The following TCF12 variants were observed in gnomAD, a reference collection of about 807,000 sequenced individuals.
TCF12 encodes the protein transcription factor 12.
Under a neutral mutation model 86.0 loss-of-function variants are expected in TCF12, and 45 were observed. That is an observed-to-expected ratio of 0.52 (90% CI 0.41 to 0.67). The LOEUF (loss-of-function observed/expected upper bound fraction) is 0.67, where lower values mean the gene tolerates loss of function less well. Among genes scored for constraint, TCF12 ranks in the 30% least tolerant of loss-of-function variants. The probability of loss-of-function intolerance (pLI) is 0.00; values close to 1 mark genes in which losing one functional copy is unlikely to be tolerated. For missense variants in TCF12, 881 were observed against 859.9 expected, an observed-to-expected ratio of 1.02 and a Z score of -0.31; for synonymous variants, 330 against 299.6, an observed-to-expected ratio of 1.10 and a Z score of -1.05.
At chr15:56,949,214 A>C (rs1410148373) in intron 3 of TCF12, among the ~76,000 whole-genome samples, 1 of 152,204 alleles carries the variant, frequency 6.6e-6, no homozygotes, top group African/African-American at 2.4e-5. Flanking sequence ...AATTAAGCAC[A>C]ATTTGTATAT....
At chr15:57,266,094 T>C in intron 18 of TCF12, among the ~76,000 whole-genome samples, 1 of 89,682 alleles carries the variant, frequency 1.1e-5, no homozygotes, top group Non-Finnish European at 2.7e-5. Flanking sequence ...TTATTATTTA[T>C]TTATTTATTT....
intron 5 of TCF12, among the ~76,000 whole-genome samples, chr15:57,119,377 T>A (rs1232570077): frequency 1.3e-5 from 2 of 151,106 alleles, no homozygotes; most frequent in Non-Finnish European, 2.9e-5. Flanking sequence ...AGTCTCAAAC[T>A]CCTGATGTGA....
chr15:57,030,202 C>G (rs144113755), intron 3 of TCF12, among the ~76,000 whole-genome samples: 11 of 152,276 alleles, frequency 7.2e-5, no homozygotes, highest in African/African-American at 2.4e-4. Flanking sequence ...TGCTCTGTCA[C>G]TGAGGCAGGA....
chr15:57,259,606 A>G (rs2060494993), intron 16 of TCF12, among the ~76,000 whole-genome samples: 2 of 152,174 alleles, frequency 1.3e-5, no homozygotes, highest in African/African-American at 4.8e-5. Flanking sequence ...GGATGGTGTC[A>G]TTTAATGGCA....
chr15:57,267,411 C>T (rs1046322102), intron 18 of TCF12, among the ~76,000 whole-genome samples: 5 of 152,138 alleles, frequency 3.3e-5, no homozygotes, highest in Non-Finnish European at 5.9e-5. Context: ...ATTCAGAGAC[C>T]ACTCTTTGGA....
intron 5 of TCF12, among the ~76,000 whole-genome samples, chr15:57,136,992 T>TGAGACGGAG (rs2052589583): frequency 9.1e-6 from 1 of 110,072 alleles, no homozygotes; most frequent in Non-Finnish European, 1.8e-5. Context: ...TTTTTTTTTT[T>TGAGACGGAG]TTTTTGAGAC....
Position 57,253,373 on chromosome 15 carries a change from A to G in TCF12, c.1372A>G (p.Ser458Gly). 1.2e-6 allele frequency: 2 copies of G among 1,614,120 alleles called. No homozygotes were observed. The highest frequency in any genetic ancestry group is 2.2e-5 in the East Asian group (1 of 44,870). Reference sequence around the variant, plus strand: ...GCCTGCTGGTCACAGTGATATACATAGTTTATTGGGACCATCCCATAATGC... The same window carrying G: ...GCCTGCTGGTCACAGTGATATACATGGTTTATTGGGACCATCCCATAATGC... Reference protein sequence around the residue: ...SLPAGHSDIHSLLGPSHNAPI... With the variant: ...SLPAGHSDIHGLLGPSHNAPI... Residue 458 changes from serine (S) to glycine (G), a missense_variant, in exon 16 of 21, where the codon AGT becomes GGT. Transcript: ENST00000333725.
At chr15:57,219,791 T>C in intron 8 of TCF12, among the ~76,000 whole-genome samples, 1 of 149,602 alleles carries the variant, frequency 6.7e-6, no homozygotes. Flanking sequence ...AGTGGCTCGA[T>C]CTCGGCTCAC....
Position 57,254,731 on chromosome 15 carries a change from G to A in TCF12, c.1467+1263G>A, listed in dbSNP as rs193041408. On this transcript the variant is annotated intron_variant, in intron 16 of 20. Coordinates refer to ENST00000333725, the MANE Select transcript of TCF12 (RefSeq NM_207037.2). ...AAATTAGTCTGGCACAGTGGCATGC[G>A]CCTGTGGTCCCAGCTACATGGAAGG... Among the ~76,000 whole-genome samples, 25 of 151,790 alleles carry A rather than the reference G, an allele frequency of 1.6e-4. No homozygotes were observed. The East Asian group carries it at 4.3e-3, about 26-fold the overall frequency.
chr15:57,073,186 A>G (rs2069567827), intron 4 of TCF12, among the ~76,000 whole-genome samples: 1 of 152,184 alleles, frequency 6.6e-6, no homozygotes, highest in Admixed American at 6.5e-5. Context: ...AGGCCCATGA[A>G]ATAACATCTT....
chr15:56,964,362 CTG>C (rs1456970866), intron 3 of TCF12, among the ~76,000 whole-genome samples: 5 of 152,196 alleles, frequency 3.3e-5, no homozygotes, highest in African/African-American at 1.2e-4. Flanking sequence ...TTCCCAGACT[CTG>C]TGATCTGCCT....
chr15:57,183,700 T>C (rs1319784144), intron 6 of TCF12, among the ~76,000 whole-genome samples: 1 of 152,162 alleles, frequency 6.6e-6, no homozygotes, highest in Non-Finnish European at 1.5e-5. Flanking sequence ...GAAACTGAGT[T>C]TTTTGTATTA....
Position 57,103,509 on chromosome 15 carries a change from A to G in TCF12, c.325+11618A>G, listed in dbSNP as rs150757334. Among the ~76,000 whole-genome samples the G allele has an allele frequency of 3.0e-4, 46 of 152,340 alleles. No homozygotes were observed. The East Asian group carries it at 6.4e-3, about 21-fold the overall frequency. On this transcript the variant is annotated intron_variant, in intron 5 of 20. Coordinates refer to ENST00000333725, the MANE Select transcript of TCF12 (RefSeq NM_207037.2). Reference sequence around the variant, plus strand: ...TTTGGAAAAGTTAAACGCAAATTGTATAAAGAAAACAGTCCCAAACGCACT... The same window carrying G: ...TTTGGAAAAGTTAAACGCAAATTGTGTAAAGAAAACAGTCCCAAACGCACT...
intron 3 of TCF12, among the ~76,000 whole-genome samples, chr15:57,008,123 G>A (rs1163644737): frequency 1.3e-5 from 2 of 150,752 alleles, no homozygotes; most frequent in Non-Finnish European, 3.0e-5. Context: ...ACCAGGCCTG[G>A]CTGATTTCTT....
At chr15:57,149,746 C>G (rs1429230450) in intron 5 of TCF12, among the ~76,000 whole-genome samples, 3 of 152,170 alleles carry the variant, frequency 2.0e-5, no homozygotes, top group Admixed American at 6.5e-5. Context: ...TTCAGGTTAT[C>G]TTCTACCTCA....
intron 3 of TCF12, among the ~76,000 whole-genome samples, chr15:57,029,522 G>C (rs889311245): frequency 6.6e-6 from 1 of 151,988 alleles, no homozygotes; most frequent in Admixed American, 6.6e-5. Context: ...CTTATTACTT[G>C]GAGAAAAGTA....
chr15:57,274,870 CTTTT>C (rs1435002890), intron 19 of TCF12, among the ~76,000 whole-genome samples: 1 of 151,682 alleles, frequency 6.6e-6, no homozygotes, highest in African/African-American at 2.4e-5. Context: ...TTTTTAAAAA[CTTTT>C]TTTTTAAGCA....
rs772913922 is a variant in TCF12 at position 57,273,228 on chromosome 15, G to T, written c.1944G>T (p.Val648=). The change falls in exon 19 of 21, where the codon GTG becomes GTT. Residue 648 remains valine (V), a synonymous_variant. Coordinates refer to ENST00000333725, the MANE Select transcript of TCF12 (RefSeq NM_207037.2). The stretch of plus-strand genomic sequence containing the variant: ...AACTCCTTATTCTTCATCAAGCCGT[G>T]GCAGTCATCCTTAGTCTAGAACAGC... The part of the protein sequence containing the change: ...QTKLLILHQA[V]AVILSLEQQV... 1 of 1,614,112 alleles carries T rather than the reference G, an allele frequency of 6.2e-7. No homozygotes were observed. Among genetic ancestry groups the T allele is most frequent in the Non-Finnish European group, 8.5e-7 (1 of 1,180,014 alleles).
intron 3 of TCF12, among the ~76,000 whole-genome samples, chr15:57,055,547 G>C (rs1193127167): frequency 6.6e-6 from 1 of 152,050 alleles, no homozygotes; most frequent in African/African-American, 2.4e-5. Context: ...GGATATTTTT[G>C]CTGAGTATAG....
Sources: gnomAD v4.1 joint callset for allele counts (sites outside exome capture counted in the v4.1 genomes callset) on GRCh38, gnomAD v4.1.1 for gene constraint, MANE v1.5 for transcripts, NCBI Gene and HGNC (gene_info 2026-07-23, HGNC 2026-07-21) for gene names.